Variants in CAMK1D observed in about 807,000 individuals in gnomAD.
CAMK1D encodes the protein calcium/calmodulin-dependent protein kinase type 1D.
Under a neutral mutation model 47.7 loss-of-function variants are expected in CAMK1D, and 9 were observed. That is an observed-to-expected ratio of 0.19 (90% CI 0.11 to 0.33). The LOEUF (loss-of-function observed/expected upper bound fraction) is 0.33. CAMK1D is among the 10% of genes least tolerant of loss of function. The pLI is 1.00. For synonymous variants in CAMK1D, 184 were observed against 184.9 expected (o/e 0.99, Z 0.04); for missense variants, 291 against 488.7 (o/e 0.60, Z 3.81).
intron 1 of CAMK1D, among the ~76,000 whole-genome samples, chr10:12,425,544 C>T (rs982242705): frequency 2.0e-5 from 3 of 152,092 alleles, no homozygotes; most frequent in Admixed American, 6.5e-5. Context: ...GGCCTCCCAA[C>T]GTGCTGGGAT....
At chr10:12,826,021 C>T in intron 10 of CAMK1D, 1 of 269,368 alleles carries the variant, frequency 3.7e-6, no homozygotes, top group Non-Finnish European at 7.1e-6. Flanking sequence ...CCTGTAATGT[C>T]AGCTACTTGG....
chr10:12,463,184 GGA>G (rs1833488244), intron 1 of CAMK1D, among the ~76,000 whole-genome samples: 1 of 150,110 alleles, frequency 6.7e-6, no homozygotes, highest in East Asian at 1.9e-4. Flanking sequence ...CGTTCAGGCA[GGA>G]GAGAGCAATG....
At chr10:12,457,092 T>C (rs986154040) in intron 1 of CAMK1D, among the ~76,000 whole-genome samples, 1 of 152,054 alleles carries the variant, frequency 6.6e-6, no homozygotes, top group Non-Finnish European at 1.5e-5. Flanking sequence ...AAGAGAATGA[T>C]AAAAATCTGT....
intron 1 of CAMK1D, among the ~76,000 whole-genome samples, chr10:12,472,771 C>T (rs1564360560): frequency 6.6e-6 from 1 of 152,210 alleles, no homozygotes; most frequent in Non-Finnish European, 1.5e-5. Context: ...ATCCACCCGC[C>T]TCGGCCTCCC....
chr10:12,557,211 A>C (rs930246459), intron 2 of CAMK1D, among the ~76,000 whole-genome samples: 2 of 152,126 alleles, frequency 1.3e-5, no homozygotes, highest in Non-Finnish European at 2.9e-5. Flanking sequence ...TCAGATTGTG[A>C]TCTGGACTTG....
At chr10:12,387,381 TTA>T (rs1322395640) in intron 1 of CAMK1D, among the ~76,000 whole-genome samples, 6 of 33,088 alleles carry the variant, frequency 1.8e-4, no homozygotes, top group East Asian at 4.5e-3. Context: ...ATATTATATA[TTA>T]TATATATTAT....
intron 1 of CAMK1D, among the ~76,000 whole-genome samples, chr10:12,353,097 T>C (rs1588714467): frequency 6.6e-6 from 1 of 152,294 alleles, no homozygotes; most frequent in South Asian, 2.1e-4. Flanking sequence ...CCCTGGGCCA[T>C]GACCGGTGAC....
At chr10:12,568,467 C>T (rs1055653453) in intron 2 of CAMK1D, among the ~76,000 whole-genome samples, 2 of 73,192 alleles carry the variant, frequency 2.7e-5, no homozygotes, top group Non-Finnish European at 5.2e-5. Context: ...CCTCTTTTCT[C>T]TCTCCTTTTC....
At chr10:12,620,203 A>AAAAAT (rs1564449477) in intron 2 of CAMK1D, among the ~76,000 whole-genome samples, 1 of 150,812 alleles carries the variant, frequency 6.6e-6, no homozygotes, top group African/African-American at 2.4e-5. Flanking sequence ...AAAAAAAAAA[A>AAAAAT]AAAAAAAAAA....
At chr10:12,569,906 T>C (rs1357750382) in intron 2 of CAMK1D, among the ~76,000 whole-genome samples, 2 of 150,168 alleles carry the variant, frequency 1.3e-5, no homozygotes, top group African/African-American at 2.5e-5. Context: ...GTAACTACTT[T>C]TAAAAATATT....
intron 2 of CAMK1D, among the ~76,000 whole-genome samples, chr10:12,590,023 C>G (rs74119222): frequency 0.039 from 5,946 of 152,208 alleles, 391 homozygotes; most frequent in African/African-American, 0.14. Flanking sequence ...TTATAATATG[C>G]TAAAAACACA....
chr10:12,415,759 T>G (rs74874118), intron 1 of CAMK1D, among the ~76,000 whole-genome samples: 2 of 147,418 alleles, frequency 1.4e-5, no homozygotes, highest in Non-Finnish European at 3.0e-5. Context: ...TTTTTTTTTT[T>G]GTCTTCTTTT....
intron 2 of CAMK1D, among the ~76,000 whole-genome samples, chr10:12,644,884 T>C (rs1839771418): frequency 6.6e-6 from 1 of 152,198 alleles, no homozygotes; most frequent in African/African-American, 2.4e-5. Context: ...AAAGTAGAAA[T>C]GTGTGTTCAA....
chr10:12,376,000 G>A (rs1206283196), intron 1 of CAMK1D, among the ~76,000 whole-genome samples: 1 of 151,056 alleles, frequency 6.6e-6, no homozygotes, highest in Non-Finnish European at 1.5e-5. Flanking sequence ...CTGTCTCTAC[G>A]AAAAATACAA....
chr10:12,651,538 C>T (rs570880005), intron 2 of CAMK1D, among the ~76,000 whole-genome samples: 4 of 152,036 alleles, frequency 2.6e-5, no homozygotes, highest in African/African-American at 4.8e-5. Flanking sequence ...ACCACAGGCA[C>T]GTGCCACCAC....
chr10:12,656,834 ATG>A (rs953112675), intron 2 of CAMK1D, among the ~76,000 whole-genome samples: 10 of 151,946 alleles, frequency 6.6e-5, no homozygotes, highest in Admixed American at 2.6e-4. Flanking sequence ...AATATGTTAC[ATG>A]TGTGTGTGTA....
chr10:12,794,237 A>G (rs1564566974), intron 6 of CAMK1D, among the ~76,000 whole-genome samples: 1 of 152,186 alleles, frequency 6.6e-6, no homozygotes, highest in Admixed American at 6.5e-5. Context: ...TCAAGTCTCA[A>G]TCCAAGGAGT....
At chr10:12,359,699 C>G (rs1480371054) in intron 1 of CAMK1D, among the ~76,000 whole-genome samples, 2 of 152,130 alleles carry the variant, frequency 1.3e-5, no homozygotes, top group Non-Finnish European at 1.5e-5. Context: ...CCTTGTCTTT[C>G]TGCTTTGTTT....
At chr10:12,517,305 C>T (rs1835241531) in intron 1 of CAMK1D, among the ~76,000 whole-genome samples, 1 of 152,124 alleles carries the variant, frequency 6.6e-6, no homozygotes, top group African/African-American at 2.4e-5. Flanking sequence ...AAAACATAAA[C>T]AATCATGTTA....
Sources: allele counts gnomAD v4.1 joint callset (sites outside exome capture counted in the v4.1 genomes callset), GRCh38; gene constraint gnomAD v4.1.1; transcripts MANE v1.5; gene names NCBI Gene and HGNC (gene_info 2026-07-23, HGNC 2026-07-21).